Variants in TMEM232 observed in about 807,000 individuals in gnomAD.
TMEM232 encodes the protein transmembrane protein 232.
Under a neutral mutation model 78.8 loss-of-function variants are expected in TMEM232, and 80 were observed. That is an observed-to-expected ratio of 1.01 (90% confidence interval 0.85 to 1.22). TMEM232 has a LOEUF of 1.22. TMEM232 is among the 50% of genes most tolerant of loss of function. TMEM232 has a pLI of 0.00. For missense variants in TMEM232, 881 were observed against 742.2 expected, an observed-to-expected ratio of 1.19 and a Z score of -2.17; for synonymous variants, 297 against 254.3, an observed-to-expected ratio of 1.17 and a Z score of -1.60.
intron 2 of TMEM232, among the ~76,000 whole-genome samples, chr5:110,665,385 A>T (rs1273490377): frequency 2.0e-5 from 3 of 152,160 alleles, no homozygotes; most frequent in East Asian, 3.9e-4. Flanking sequence ...CACTGCTATA[A>T]AGATACGACT....
chr5:110,585,652 A>G (rs1778724381), intron 10 of TMEM232, among the ~76,000 whole-genome samples: 1 of 152,122 alleles, frequency 6.6e-6, no homozygotes, highest in Non-Finnish European at 1.5e-5. Context: ...TTCTTCTCAC[A>G]TATTCTAAAC....
At chr5:110,647,455 TAC>T (rs964425877) in intron 2 of TMEM232, among the ~76,000 whole-genome samples, 1 of 152,000 alleles carries the variant, frequency 6.6e-6, no homozygotes, top group African/African-American at 2.4e-5. Context: ...TCCATTAATA[TAC>T]CTCTTTATGT....
At chr5:110,463,976 G>A (rs866841910) in intron 12 of TMEM232, among the ~76,000 whole-genome samples, 1 of 152,134 alleles carries the variant, frequency 6.6e-6, no homozygotes, top group South Asian at 2.1e-4. Context: ...CATCTTCCAG[G>A]TATTCACATG....
chr5:110,538,903 G>A (rs1013528090), intron 11 of TMEM232, among the ~76,000 whole-genome samples: 12 of 152,058 alleles, frequency 7.9e-5, no homozygotes, highest in African/African-American at 2.9e-4. Flanking sequence ...TTACAGGAAT[G>A]GAAGGAAAGC....
At chr5:110,567,911 T>C (rs1264027437) in intron 11 of TMEM232, among the ~76,000 whole-genome samples, 4 of 152,032 alleles carry the variant, frequency 2.6e-5, no homozygotes, top group East Asian at 1.9e-4. Context: ...CCCCTCCTAT[T>C]TGAATCTTAC....
In TMEM232 at chr5:110,456,029, G is replaced by C. The variant is rs1760859763; in HGVS notation, c.1704-31113C>G. ...TGAAAGCAGAATGCTTTGCCTCTAAGATCAGGAACAGTGCAAGGATGTTTG... is the reference window on the plus strand; with the variant it reads ...TGAAAGCAGAATGCTTTGCCTCTAACATCAGGAACAGTGCAAGGATGTTTG... On this transcript the variant is annotated intron_variant, in intron 12 of 13. Transcript: ENST00000455884. Among the ~76,000 whole-genome samples the C allele has an allele frequency of 1.3e-5, 2 of 152,142 alleles. 1 individual carries two copies. The highest frequency in any genetic ancestry group is 4.1e-4 in the South Asian group (2 of 4,820).
At chr5:110,600,629 T>C (rs1780768499) in intron 10 of TMEM232, among the ~76,000 whole-genome samples, 2 of 152,134 alleles carry the variant, frequency 1.3e-5, no homozygotes, top group African/African-American at 2.4e-5. Context: ...GTTGGATCTC[T>C]GAAGGGACAA....
At chr5:110,431,189 T>C (rs1757800448) in intron 12 of TMEM232, among the ~76,000 whole-genome samples, 1 of 151,356 alleles carries the variant, frequency 6.6e-6, no homozygotes, top group Admixed American at 6.6e-5. Flanking sequence ...AGTATTAAAC[T>C]GAGAAGGCTA....
At chr5:110,472,172 A>G (rs184531116) in intron 12 of TMEM232, among the ~76,000 whole-genome samples, 7 of 152,138 alleles carry the variant, frequency 4.6e-5, no homozygotes, top group Non-Finnish European at 8.8e-5. Flanking sequence ...AAAAACTATT[A>G]TAACTAATAA....
chr5:110,522,423 A>C (rs1769673608), intron 12 of TMEM232, among the ~76,000 whole-genome samples: 2 of 152,124 alleles, frequency 1.3e-5, no homozygotes, highest in Admixed American at 6.6e-5. Context: ...TTTCTTGTCT[A>C]ATTATTCAAG....
At chr5:110,703,927 C>T (rs1293407291) in intron 1 of TMEM232, among the ~76,000 whole-genome samples, 2 of 152,010 alleles carry the variant, frequency 1.3e-5, no homozygotes, top group African/African-American at 2.4e-5. Context: ...TTTTAGTTAA[C>T]CTAAGAGCAA....
intron 11 of TMEM232, among the ~76,000 whole-genome samples, chr5:110,562,025 C>T (rs369580036): frequency 5.0e-4 from 76 of 152,134 alleles, no homozygotes; most frequent in South Asian, 2.9e-3. Flanking sequence ...TGTGGTCGTA[C>T]AGAGCACTGA....
intron 12 of TMEM232, among the ~76,000 whole-genome samples, chr5:110,491,896 AAT>A (rs1201962881): frequency 1.3e-5 from 2 of 151,930 alleles, no homozygotes; most frequent in South Asian, 4.1e-4. Context: ...ATAAATTATA[AAT>A]AGAGATTACT....
rs576048511 is a variant in TMEM232, at chr5:110,690,440, C to G, written c.-12-23076G>C. Among the ~76,000 whole-genome samples the G allele has an allele frequency of 5.6e-3, 851 of 152,186 alleles. 3 individuals are homozygous for G. Among genetic ancestry groups the G allele is most frequent in the African/African-American group, 0.019 (798 of 41,522 alleles). On this transcript the variant is annotated intron_variant, in intron 1 of 13. Coordinates refer to ENST00000455884, the MANE Select transcript of TMEM232 (RefSeq NM_001039763.4). ...CACAATGAGATACCATATCATACCA[C>G]TTAGAATGGCGATCATTAAAAAGTC...
chr5:110,599,306 A>C (rs1483149444), intron 10 of TMEM232, among the ~76,000 whole-genome samples: 2 of 152,180 alleles, frequency 1.3e-5, no homozygotes, highest in Non-Finnish European at 2.9e-5. Flanking sequence ...ACAGGATCAA[A>C]TTCACACATA....
intron 12 of TMEM232, among the ~76,000 whole-genome samples, chr5:110,458,330 G>A (rs1031921255): frequency 6.6e-6 from 1 of 151,114 alleles, no homozygotes; most frequent in Non-Finnish European, 1.5e-5. Flanking sequence ...AAGATCATAT[G>A]TTGGCTTTGA....
At chr5:110,512,484 A>G (rs1471028121) in intron 12 of TMEM232, among the ~76,000 whole-genome samples, 1 of 152,028 alleles carries the variant, frequency 6.6e-6, no homozygotes, top group East Asian at 1.9e-4. Flanking sequence ...ATTAATGCTT[A>G]CTGAAGGAAC....
chr5:110,696,568 C>T (rs1201173571), intron 1 of TMEM232, among the ~76,000 whole-genome samples: 1 of 152,114 alleles, frequency 6.6e-6, no homozygotes, highest in African/African-American at 2.4e-5. Context: ...AGTCTCAGCC[C>T]AAAATCTCCT....
chr5:110,393,535 A>G (rs1211121804), intron 3 of TMEM232, among the ~76,000 whole-genome samples: 1 of 152,170 alleles, frequency 6.6e-6, no homozygotes, highest in Non-Finnish European at 1.5e-5. Context: ...ATTAAAATTG[A>G]CTAACTATAG....
Sources: allele counts gnomAD v4.1 joint callset (sites outside exome capture counted in the v4.1 genomes callset), GRCh38; gene constraint gnomAD v4.1.1; transcripts MANE v1.5; gene names NCBI Gene and HGNC (gene_info 2026-07-23, HGNC 2026-07-21).